Variants in GFRA1 observed in about 807,000 individuals in gnomAD.
The protein encoded by GFRA1 is GDNF family receptor alpha-1.
Under a neutral mutation model 51.6 loss-of-function variants are expected in GFRA1, and 16 were observed. The observed-to-expected ratio is 0.31, with a 90% confidence interval of 0.21 to 0.47. The LOEUF (loss-of-function observed/expected upper bound fraction) is 0.47, where lower values mean the gene tolerates loss of function less well. Among genes scored for constraint, GFRA1 ranks in the 20% least tolerant of loss-of-function variants. GFRA1 has a pLI of 1.00. For synonymous variants in GFRA1, 270 were observed against 241.3 expected, an observed-to-expected ratio of 1.12 and a Z score of -1.10; for missense variants, 530 against 594.3, an observed-to-expected ratio of 0.89 and a Z score of 1.13.
chr10:116,073,317 T>C (rs17094049), intron 9 of GFRA1, among the ~76,000 whole-genome samples: 10,378 of 152,216 alleles, frequency 0.068, 1,183 homozygotes, highest in African/African-American at 0.24. Flanking sequence ...CTTCTTTTCA[T>C]ACCTTCACAG....
chr10:116,269,104 A>G (rs1969890952), intron 4 of GFRA1, among the ~76,000 whole-genome samples: 1 of 152,214 alleles, frequency 6.6e-6, no homozygotes, highest in African/African-American at 2.4e-5. Context: ...TTGTAAAGTA[A>G]GTGGCATAAT....
intron 6 of GFRA1, among the ~76,000 whole-genome samples, chr10:116,106,757 C>G (rs1483941010): frequency 6.8e-6 from 1 of 147,658 alleles, no homozygotes; most frequent in Non-Finnish European, 1.5e-5. Flanking sequence ...TGGACATCCC[C>G]TCCAAATCTC....
chr10:116,229,788 T>C (rs1183924144), intron 4 of GFRA1, among the ~76,000 whole-genome samples: 1 of 152,222 alleles, frequency 6.6e-6, no homozygotes, highest in Non-Finnish European at 1.5e-5. Flanking sequence ...GATGGAAGGC[T>C]GGGTGGTGGG....
chr10:116,245,742 C>T (rs566579161), intron 4 of GFRA1, among the ~76,000 whole-genome samples: 9 of 152,014 alleles, frequency 5.9e-5, no homozygotes, highest in African/African-American at 2.2e-4. Context: ...CAATGGAACA[C>T]AATTATTCAG....
chr10:116,164,772 G>A (rs1338034117), intron 5 of GFRA1, among the ~76,000 whole-genome samples: 1 of 152,184 alleles, frequency 6.6e-6, no homozygotes, highest in Non-Finnish European at 1.5e-5. Flanking sequence ...GCAATCCAGT[G>A]TTGCCTTTAG....
At chr10:116,088,002 C>CTGTT (rs746935222) in intron 9 of GFRA1, among the ~76,000 whole-genome samples, 3 of 152,054 alleles carry the variant, frequency 2.0e-5, no homozygotes, top group Non-Finnish European at 4.4e-5. Context: ...TGAAGCACAT[C>CTGTT]TGTTTGACCT....
intron 9 of GFRA1, among the ~76,000 whole-genome samples, chr10:116,075,587 T>G (rs1336019965): frequency 1.3e-5 from 2 of 152,182 alleles, no homozygotes; most frequent in African/African-American, 4.8e-5. Flanking sequence ...GGTTTGAATT[T>G]TATTGTATCA....
chr10:116,160,461 T>G (rs1286739930), intron 5 of GFRA1, among the ~76,000 whole-genome samples: 2 of 152,234 alleles, frequency 1.3e-5, no homozygotes, highest in African/African-American at 4.8e-5. Flanking sequence ...CACTTATCCA[T>G]CTCTGTGTAT....
intron 5 of GFRA1, among the ~76,000 whole-genome samples, chr10:116,138,047 C>G (rs889367850): frequency 6.6e-6 from 1 of 152,088 alleles, no homozygotes; most frequent in Non-Finnish European, 1.5e-5. Flanking sequence ...GTGATCTATC[C>G]GCCTCAGCCT....
chr10:116,207,614 T>A (rs899382027), intron 5 of GFRA1, among the ~76,000 whole-genome samples: 1 of 149,898 alleles, frequency 6.7e-6, no homozygotes, highest in African/African-American at 2.5e-5. Flanking sequence ...AATATATGAT[T>A]GATATATATA....
chr10:116,267,468 G>A (rs538554233), intron 4 of GFRA1, among the ~76,000 whole-genome samples: 9 of 151,510 alleles, frequency 5.9e-5, no homozygotes, highest in Admixed American at 1.3e-4. Context: ...ACAAGACTTC[G>A]TCTCAAACAA....
At chr10:116,083,517 C>A (rs1292970438) in intron 9 of GFRA1, among the ~76,000 whole-genome samples, 1 of 152,230 alleles carries the variant, frequency 6.6e-6, no homozygotes, top group Non-Finnish European at 1.5e-5. Context: ...AAATTTACCT[C>A]CTGTATTTCC....
At chr10:116,095,649 T>C (rs1403837838) in intron 7 of GFRA1, among the ~76,000 whole-genome samples, 2 of 152,152 alleles carry the variant, frequency 1.3e-5, no homozygotes, top group Non-Finnish European at 2.9e-5. Context: ...CAGGAACCTG[T>C]CCATCCCTGC....
chr10:116,089,651 T>A (rs1371881501), intron 9 of GFRA1, 90 bp downstream of exon 9: 19 of 1,066,484 alleles, frequency 1.8e-5, no homozygotes, highest in Non-Finnish European at 2.8e-5. Context: ...GTCATCTCTC[T>A]CTGCATACAT....
rs557175351 is a variant in GFRA1, at chr10:116,058,041, T to TGTGAGAGAGA, written c.*6356_*6357insTCTCTCTCAC. On this transcript the variant is annotated 3_prime_UTR_variant, in exon 11 of 11. Coordinates refer to ENST00000355422, the MANE Select transcript of GFRA1 (RefSeq NM_005264.8). ...GTGTGTGTGTGTGTGTGTGTGTGTG[T>TGTGAGAGAGA]GACAGAGAGAACCACGCTTTATTGG... The TGTGAGAGAGA allele has an allele frequency of 1.3e-4, 14 of 108,496 alleles. No individual in the cohort carries two copies. Among genetic ancestry groups the TGTGAGAGAGA allele is most frequent in the East Asian group, 1.1e-3 (3 of 2,762 alleles). The allele number at this position is 108,496 out of a possible 1,614,324, so 6.7% of individuals were successfully genotyped here. A position where few individuals can be genotyped will look rare whatever the true frequency, so the allele number is the denominator to read the frequency against.
intron 6 of GFRA1, among the ~76,000 whole-genome samples, chr10:116,119,998 C>T (rs1225590727): frequency 1.3e-5 from 2 of 152,212 alleles, no homozygotes; most frequent in Non-Finnish European, 2.9e-5. Context: ...CCAAGGGAGG[C>T]CTTCTTGGTT....
At chr10:116,168,169 A>G (rs1234005709) in intron 5 of GFRA1, among the ~76,000 whole-genome samples, 1 of 149,392 alleles carries the variant, frequency 6.7e-6, no homozygotes, top group African/African-American at 2.5e-5. Flanking sequence ...TTTAGGTCAG[A>G]CAGGCAAGTG....
Position 116,089,820 on chromosome 10 carries a change from A to T in GFRA1, c.1118T>A (p.Val373Asp). The T allele has an allele frequency of 6.2e-7, 1 of 1,614,004 alleles. No homozygotes were observed. The highest frequency in any genetic ancestry group is 2.2e-5 in the East Asian group (1 of 44,866). The change falls in exon 9 of 11, where the codon GTT becomes GAT. Residue 373 changes from valine (V) to aspartate (D), a missense_variant. By Grantham distance (152) the Val-to-Asp change is radical (BLOSUM62 -3). Coordinates refer to ENST00000355422, the MANE Select transcript of GFRA1 (RefSeq NM_005264.8). ...TGCTGGCCCCAGGGGCTTGTTCTTA[A>T]CCCGGAGGGCAGTGGTGGTAGTGGC... ...TTATTTTALR[V>D]KNKPLGPAGS... is the part of the protein sequence containing the mutation.
At chr10:116,065,273 G>C (rs1237234355) in intron 10 of GFRA1, among the ~76,000 whole-genome samples, 1 of 152,218 alleles carries the variant, frequency 6.6e-6, no homozygotes, top group African/African-American at 2.4e-5. Flanking sequence ...GATTTGCTAT[G>C]TATCGTCTCT....
Sources: allele counts gnomAD v4.1 joint callset (sites outside exome capture counted in the v4.1 genomes callset), GRCh38; gene constraint gnomAD v4.1.1; transcripts MANE v1.5; gene names NCBI Gene and HGNC (gene_info 2026-07-23, HGNC 2026-07-21).